GATA4: variants seen among roughly 807,000 people sequenced by gnomAD.
GATA4 encodes GATA binding protein 4.
Under a neutral mutation model 37.9 loss-of-function variants are expected in GATA4, and 7 were observed. The ratio of observed to expected loss-of-function variants is 0.18; its 90% CI spans 0.11 to 0.35. The LOEUF (loss-of-function observed/expected upper bound fraction) is 0.35, where lower values mean the gene tolerates loss of function less well. Among genes scored for constraint, GATA4 ranks in the 10% least tolerant of loss-of-function variants. The pLI, the probability that GATA4 is intolerant of heterozygous loss-of-function variation, is 1.00. For synonymous variants in GATA4, 372 were observed against 292.6 expected (o/e 1.27, Z -2.77); for missense variants, 647 against 653.0 (o/e 0.99, Z 0.10).
intron 2 of GATA4, among the ~76,000 whole-genome samples, chr8:11,720,900 T>C (rs1266930905): frequency 6.6e-6 from 1 of 152,126 alleles, no homozygotes; most frequent in Non-Finnish European, 1.5e-5. Context: ...TCTGCAGGTC[T>C]AGGCAGTGGT....
rs573187875 is a variant in GATA4 at position 11,708,236 on chromosome 8, G to T, written c.-77G>T. 96 of 1,497,154 alleles carry T rather than the reference G, an allele frequency of 6.4e-5. No homozygotes were observed. The Admixed American group carries it at 1.3e-3, about 20-fold the overall frequency. 92.7% of individuals were successfully genotyped at this position (1,497,154 alleles called of 1,614,324 possible). A position where few individuals can be genotyped will look rare whatever the true frequency, so the allele number is the denominator to read the frequency against. ...TCCCACGCATATTATCGTTGTTGCC[G>T]TCGTTTTCTCTCCCCGCGTGGCTCC... On this transcript the variant is annotated 5_prime_UTR_variant, in exon 2 of 7. Coordinates refer to ENST00000532059, the MANE Select transcript of GATA4 (RefSeq NM_001308093.3). The surrounding 1 kb of genome is among the most constrained non-coding windows in gnomAD (Gnocchi z 6.7).
intron 1 of GATA4, chr8:11,697,514 T>C: frequency 1.0e-6 from 1 of 968,792 alleles, no homozygotes; most frequent in Non-Finnish European, 1.2e-6. Flanking sequence ...CCTGCTGCAG[T>C]TGGGGAGGGA....
At position 11,759,357 on chromosome 8, in the gene GATA4, C is replaced by G. The variant is rs569133968; in HGVS notation, c.*882C>G. ...GCTGCTCAAGCCAGTCTGGCAAGCACTCAGCCCAGCCTCGAGGTCCTTCTG... is the reference window on the plus strand; with the variant it reads ...GCTGCTCAAGCCAGTCTGGCAAGCAGTCAGCCCAGCCTCGAGGTCCTTCTG... On this transcript the variant is annotated 3_prime_UTR_variant, in exon 7 of 7. Transcript: ENST00000532059. The G allele has an allele frequency of 1.3e-5, 2 of 153,048 alleles. No homozygotes were observed. Among genetic ancestry groups the G allele is most frequent in the Non-Finnish European group, 2.9e-5 (2 of 68,722 alleles). 9.5% of individuals were successfully genotyped at this position (153,048 alleles called of 1,614,324 possible).
chr8:11,746,870 C>T (rs961018236), intron 2 of GATA4, among the ~76,000 whole-genome samples: 1 of 152,236 alleles, frequency 6.6e-6, no homozygotes, highest in Non-Finnish European at 1.5e-5. Flanking sequence ...GAGCAAATAG[C>T]CCCTTACACC....
rs1189536001 is a variant in GATA4, at chr8:11,749,760, G to A, written c.787-351G>A. On this transcript the variant is annotated intron_variant, in intron 3 of 6. Transcript: ENST00000532059. The surrounding 1 kb of genome is among the most constrained non-coding windows in gnomAD (Gnocchi z 4.6). ...GATTCCTCACTCTCTGCCTGCCCCC[G>A]GCACCTGCAGCCCCGGTCAGTTCTC... Among the ~76,000 whole-genome samples the A allele has an allele frequency of 3.3e-5, 5 of 152,122 alleles. No individual in the cohort carries two copies. The highest frequency in any genetic ancestry group is 6.5e-5 in the Admixed American group (1 of 15,278).
At chr8:11,719,962 G>T (rs546684085) in intron 2 of GATA4, among the ~76,000 whole-genome samples, 1 of 152,138 alleles carries the variant, frequency 6.6e-6, no homozygotes, top group Non-Finnish European at 1.5e-5. Context: ...CCCCCAGGAC[G>T]TGTGATTTAC....
upstream of GATA4, among the ~76,000 whole-genome samples, chr8:11,690,387 T>TA (rs1305249347): frequency 6.6e-6 from 1 of 152,080 alleles, no homozygotes; most frequent in Non-Finnish European, 1.5e-5. Context: ...AACTGGAAAA[T>TA]ACAAAGATGT....
chr8:11,699,822 G>C (rs1799614439), upstream of GATA4, among the ~76,000 whole-genome samples: 1 of 152,210 alleles, frequency 6.6e-6, no homozygotes, highest in Admixed American at 6.5e-5. Context: ...TGGGCTCTCA[G>C]ATTATGAGAT....
At chr8:11,752,679 A>T (rs1426893785) in intron 4 of GATA4, among the ~76,000 whole-genome samples, 1 of 152,202 alleles carries the variant, frequency 6.6e-6, no homozygotes, top group Non-Finnish European at 1.5e-5. Context: ...AAATGTAAGA[A>T]TATATAACAG....
intron 1 of GATA4, among the ~76,000 whole-genome samples, chr8:11,682,727 G>A (rs773184316): frequency 1.3e-5 from 2 of 152,232 alleles, no homozygotes; most frequent in African/African-American, 4.8e-5. Flanking sequence ...AATGATTGCA[G>A]AACAACAAAA....
chr8:11,739,635 C>A (rs1050810090), intron 2 of GATA4, among the ~76,000 whole-genome samples: 5 of 151,474 alleles, frequency 3.3e-5, no homozygotes, highest in African/African-American at 1.2e-4. Flanking sequence ...TGGCCGGAAG[C>A]CGAGCCCTGG....
upstream of GATA4, among the ~76,000 whole-genome samples, chr8:11,689,819 C>G (rs150766831): frequency 2.3e-3 from 357 of 152,290 alleles, 1 homozygote; most frequent in African/African-American, 8.1e-3. Context: ...CTCTGATCCT[C>G]TCACCCTACT....
chr8:11,718,064 T>C (rs1015455871), intron 2 of GATA4, among the ~76,000 whole-genome samples: 2 of 152,164 alleles, frequency 1.3e-5, no homozygotes, highest in African/African-American at 4.8e-5. Context: ...ATTTCAAATA[T>C]ATTTGTGGTA....
upstream of GATA4, chr8:11,692,043 G>A: frequency 2.0e-6 from 2 of 985,428 alleles, no homozygotes; most frequent in Non-Finnish European, 1.2e-6. Context: ...CCTCACCTTA[G>A]TGTCACCAAC....
chr8:11,697,939 G>C (rs1169544668), intron 1 of GATA4: 1 of 985,372 alleles, frequency 1.0e-6, no homozygotes, highest in Non-Finnish European at 1.2e-6. Flanking sequence ...TGCGCGTTGA[G>C]GTCTTGGGCC....
Position 11,708,574 on chromosome 8 carries a change from G to C in GATA4, c.262G>C (p.Gly88Arg). The C allele has an allele frequency of 7.3e-7, 1 of 1,370,518 alleles. No individual in the cohort carries two copies. Among genetic ancestry groups the C allele is most frequent in the Non-Finnish European group, 9.4e-7 (1 of 1,067,666 alleles). The allele number at this position is 1,370,518 out of a possible 1,614,324, so 84.9% of individuals were successfully genotyped here. A position where few individuals can be genotyped will look rare whatever the true frequency, so the allele number is the denominator to read the frequency against. ...AGPGTQQGSP[G>R]WSQAGADGAA... Reference sequence around the variant, plus strand: ...GCCCGGGACCCAGCAGGGCAGCCCGGGATGGAGCCAGGCGGGAGCCGACGG... The same window carrying C: ...GCCCGGGACCCAGCAGGGCAGCCCGCGATGGAGCCAGGCGGGAGCCGACGG... Residue 88 changes from glycine to arginine, a missense_variant, in exon 2 of 7, where the codon GGA (glycine) becomes CGA (arginine). Around this residue, in one of 5 missense-constraint regions of GATA4, gnomAD observed 379 missense variants for 334.5 expected, o/e 1.13. Coordinates refer to ENST00000532059, the MANE Select transcript of GATA4 (RefSeq NM_001308093.3). This position sits in a 1 kb window ranked among gnomAD's most constrained non-coding sequence, Gnocchi z 6.7.
Position 11,693,796 on chromosome 8 carries a change from T to G in GATA4, c.-729+1136T>G, listed in dbSNP as rs180936552. Among the ~76,000 whole-genome samples, 300 of 152,198 alleles carry G rather than the reference T, an allele frequency of 2.0e-3. 1 individual carries two copies. The highest frequency in any genetic ancestry group is 3.9e-3 in the South Asian group (19 of 4,814). On this transcript the variant is annotated intron_variant, in intron 1 of 2. Transcript: ENST00000526974. The stretch of plus-strand genomic sequence containing the variant: ...GCAGGTCCAGGATCGATATGAGTGT[T>G]TGGCATCGAATGTGTGAAAAGGGCC...
chr8:11,692,188 A>G (rs778857432), upstream of GATA4: 62 of 319,264 alleles, frequency 1.9e-4, no homozygotes, highest in Non-Finnish European at 2.6e-4. Flanking sequence ...CCCAAAGGCA[A>G]GAGAAGAAAA....
chr8:11,728,608 G>A (rs1484162682), intron 2 of GATA4, among the ~76,000 whole-genome samples: 1 of 151,930 alleles, frequency 6.6e-6, no homozygotes, highest in African/African-American at 2.4e-5. Context: ...GAGTACAGTG[G>A]CATGGTCATG....
Sources: gnomAD v4.1 joint callset for allele counts (sites outside exome capture counted in the v4.1 genomes callset) on GRCh38, gnomAD v4.1.1 for gene constraint, gnomAD v4.1.1 regional missense constraint, Gnocchi (gnomAD v3.1) non-coding constraint, MANE v1.5 for transcripts, NCBI Gene and HGNC (gene_info 2026-07-23, HGNC 2026-07-21) for gene names.